STK33: variants seen among roughly 807,000 people sequenced by gnomAD.
STK33 encodes serine/threonine kinase 33, also known as serine/threonine-protein kinase 33.
Under a neutral mutation model 58.0 loss-of-function variants are expected in STK33, and 52 were observed. The observed-to-expected ratio is 0.90, with a 90% CI of 0.72 to 1.13. The LOEUF (loss-of-function observed/expected upper bound fraction) is 1.13, where lower values mean the gene tolerates loss of function less well. Among genes scored for constraint, STK33 ranks in the 50% most tolerant of loss-of-function variants. STK33 has a pLI of 0.00. For missense variants in STK33, 630 were observed against 604.2 expected (o/e 1.04, Z -0.45); for synonymous variants, 215 against 200.1 (o/e 1.07, Z -0.63).
chr11:8,464,611 G>A, intron 7 of STK33, 98 bp downstream of exon 7: 1 of 779,618 alleles, frequency 1.3e-6, no homozygotes, highest in Non-Finnish European at 2.1e-6. Context: ...GGGACCTCAG[G>A]GTGAGAGGCA....
chr11:8,554,575 TTA>T (rs889010472), intron 1 of STK33, among the ~76,000 whole-genome samples: 6 of 152,134 alleles, frequency 3.9e-5, no homozygotes, highest in Admixed American at 2.0e-4. Context: ...CTCATACCTG[TTA>T]GAATGGCTGT....
chr11:8,399,996 A>C (rs1287932461), intron 15 of STK33, among the ~76,000 whole-genome samples: 2 of 152,178 alleles, frequency 1.3e-5, no homozygotes, highest in African/African-American at 2.4e-5. Context: ...CAACCAAAAA[A>C]AGTCCAGGAC....
At chr11:8,378,295 G>A in the STK33 span, among the ~76,000 whole-genome samples, 3 of 152,208 alleles carry the variant, frequency 2.0e-5, no homozygotes, top group African/African-American at 4.8e-5. Context: ...GAGGTGGGTG[G>A]ATCACCTGAA....
At chr11:8,572,237 G>A (rs1023179137) in intron 1 of STK33, among the ~76,000 whole-genome samples, 5 of 152,026 alleles carry the variant, frequency 3.3e-5, no homozygotes, top group Non-Finnish European at 5.9e-5. Context: ...AGGGCAGCAA[G>A]TAGAATTTTC....
At chr11:8,582,807 CAT>C (rs1460278307) in intron 1 of STK33, among the ~76,000 whole-genome samples, 1 of 152,142 alleles carries the variant, frequency 6.6e-6, no homozygotes, top group Non-Finnish European at 1.5e-5. Context: ...TGTTCAGAAA[CAT>C]AAAACCAATG....
intron 1 of STK33, among the ~76,000 whole-genome samples, chr11:8,553,201 G>GATATCA (rs1956462841): frequency 3.3e-5 from 2 of 61,134 alleles, no homozygotes; most frequent in Non-Finnish European, 5.7e-5. Context: ...TATATATGGT[G>GATATCA]TATATATATA....
chr11:8,341,110 G>A, the STK33 span, among the ~76,000 whole-genome samples: 1 of 41,532 alleles, frequency 2.4e-5, no homozygotes, highest in Non-Finnish European at 6.4e-5. Flanking sequence ...TGCCTGCCCG[G>A]GCCTCCAAAG....
intron 11 of STK33, among the ~76,000 whole-genome samples, chr11:8,451,565 G>T (rs1290501353): frequency 6.6e-6 from 1 of 152,112 alleles, no homozygotes; most frequent in Non-Finnish European, 1.5e-5. Context: ...GAGACAAGAA[G>T]GCAAATCTAG....
chr11:8,454,749 T>G lies in STK33; in HGVS notation c.781A>C (p.Ile261Leu). 1 of 1,571,444 alleles carries G rather than the reference T, an allele frequency of 6.4e-7. No individual in the cohort carries two copies. The highest frequency in any genetic ancestry group is 8.6e-7 in the Non-Finnish European group (1 of 1,158,218). Reference protein sequence around the residue: ...IDDNNEINLNIKVTDFGLAVK... With the variant: ...IDDNNEINLNLKVTDFGLAVK... ...ACCACCATTGCTAATCTTACCTTTATGTTTAAGTTTATTTCATTGTTATCA... is the reference window on the plus strand; with the variant it reads ...ACCACCATTGCTAATCTTACCTTTAGGTTTAAGTTTATTTCATTGTTATCA... The change falls in exon 10 of 16, where the codon ATA becomes CTA. Residue 261 changes from isoleucine to leucine, a missense_variant. Transcript: ENST00000687296.
intron 1 of STK33, among the ~76,000 whole-genome samples, chr11:8,583,744 AAAG>A (rs1348426159): frequency 6.6e-6 from 1 of 152,234 alleles, no homozygotes; most frequent in African/African-American, 2.4e-5. Flanking sequence ...AATCTCATCT[AAAG>A]AATCAAATAA....
intron 6 of STK33, among the ~76,000 whole-genome samples, chr11:8,471,313 T>C (rs989668785): frequency 4.6e-4 from 70 of 152,202 alleles, no homozygotes; most frequent in Non-Finnish European, 8.8e-5. Flanking sequence ...ATCACTTTCT[T>C]CAACTAACTG....
chr11:8,546,905 G>GT (rs1280902094), intron 1 of STK33, among the ~76,000 whole-genome samples: 1 of 152,040 alleles, frequency 6.6e-6, no homozygotes, highest in Non-Finnish European at 1.5e-5. Context: ...GGGAATGCAG[G>GT]TATCTCTTTT....
intron 15 of STK33, among the ~76,000 whole-genome samples, chr11:8,396,249 A>G (rs1265404644): frequency 2.6e-5 from 4 of 152,160 alleles, no homozygotes; most frequent in African/African-American, 4.8e-5. Flanking sequence ...GATTGCAGGT[A>G]CACACCACCA....
the STK33 span, among the ~76,000 whole-genome samples, chr11:8,374,629 C>A: frequency 2.0e-5 from 3 of 152,178 alleles, no homozygotes; most frequent in African/African-American, 4.8e-5. Flanking sequence ...CTTGTGACCA[C>A]AATTAACCAT....
the STK33 span, among the ~76,000 whole-genome samples, chr11:8,379,300 T>TA: frequency 6.6e-6 from 1 of 152,038 alleles, no homozygotes; most frequent in Non-Finnish European, 1.5e-5. Flanking sequence ...AAATGGGACC[T>TA]AATTAAACTA....
chr11:8,439,869 T>TTATATATATATATATCTATATATA (rs1944513805), intron 12 of STK33, among the ~76,000 whole-genome samples: 1 of 107,274 alleles, frequency 9.3e-6, no homozygotes, highest in Non-Finnish European at 1.9e-5. Flanking sequence ...TATATTATAA[T>TTATATATATATATATCTATATATA]TATATATATA....
chr11:8,370,609 C>G, the STK33 span, among the ~76,000 whole-genome samples: 2 of 152,290 alleles, frequency 1.3e-5, no homozygotes, highest in East Asian at 3.9e-4. Flanking sequence ...GCTACAGATA[C>G]GGGGCCCAGA....
At chr11:8,520,798 G>T (rs935258342) in intron 1 of STK33, among the ~76,000 whole-genome samples, 2 of 152,050 alleles carry the variant, frequency 1.3e-5, no homozygotes, top group African/African-American at 4.8e-5. Context: ...GGATGTGAAG[G>T]ACCTCTTCAA....
chr11:8,462,505 T>A (rs976729735), intron 7 of STK33, among the ~76,000 whole-genome samples: 3 of 145,896 alleles, frequency 2.1e-5, no homozygotes, highest in Non-Finnish European at 4.5e-5. Flanking sequence ...GAAAAAATAA[T>A]AGGCAATGAG....
Sources: gnomAD v4.1 joint callset for allele counts (sites outside exome capture counted in the v4.1 genomes callset) on GRCh38, gnomAD v4.1.1 for gene constraint, MANE v1.5 for transcripts, NCBI Gene and HGNC (gene_info 2026-07-23, HGNC 2026-07-21) for gene names.